Variants in FSTL4 observed in about 807,000 individuals in gnomAD.
FSTL4 encodes the protein follistatin-related protein 4.
FSTL4 carries 28 observed loss-of-function variants against 78.2 expected under a neutral mutation model. The observed-to-expected ratio is 0.36, with a 90% confidence interval of 0.27 to 0.49. FSTL4 has a LOEUF of 0.49. Among genes scored for constraint, FSTL4 ranks in the 20% least tolerant of loss-of-function variants. FSTL4 has a pLI of 0.98. For missense variants in FSTL4, 922 were observed against 1,084.9 expected, an observed-to-expected ratio of 0.85 and a Z score of 2.11; for synonymous variants, 422 against 440.5, an observed-to-expected ratio of 0.96 and a Z score of 0.53.
chr5:133,670,738 T>C, the FSTL4 span, among the ~76,000 whole-genome samples: 1 of 152,240 alleles, frequency 6.6e-6, no homozygotes, highest in Non-Finnish European at 1.5e-5. Flanking sequence ...GTAGATTTTA[T>C]AAGATCCTGA....
At chr5:133,287,936 T>A (rs1753174826) in intron 6 of FSTL4, among the ~76,000 whole-genome samples, 1 of 152,092 alleles carries the variant, frequency 6.6e-6, no homozygotes, top group South Asian at 2.1e-4. Flanking sequence ...TTATCCCCAA[T>A]CTCCTGCCTC....
At chr5:133,382,826 A>G (rs1410482431) in intron 4 of FSTL4, among the ~76,000 whole-genome samples, 1 of 152,178 alleles carries the variant, frequency 6.6e-6, no homozygotes, top group Non-Finnish European at 1.5e-5. Context: ...GTGTAGGCAC[A>G]CTCAAGTCAG....
the FSTL4 span, among the ~76,000 whole-genome samples, chr5:133,756,753 C>A: frequency 6.6e-6 from 1 of 152,090 alleles, no homozygotes; most frequent in Non-Finnish European, 1.5e-5. Context: ...ATATCCGGAG[C>A]ATTTCTTCTA....
chr5:133,485,470 T>C (rs1015056747), intron 3 of FSTL4, among the ~76,000 whole-genome samples: 7 of 152,222 alleles, frequency 4.6e-5, no homozygotes, highest in Admixed American at 3.9e-4. Context: ...AAGTGAAAAG[T>C]AATTTAATTT....
At chr5:133,596,792 AG>A (rs1760745447) in intron 2 of FSTL4, among the ~76,000 whole-genome samples, 1 of 152,218 alleles carries the variant, frequency 6.6e-6, no homozygotes, top group Non-Finnish European at 1.5e-5. Context: ...CCTGTGATTG[AG>A]GGAAGACCTC....
the FSTL4 span, among the ~76,000 whole-genome samples, chr5:133,624,211 T>C: frequency 1.3e-5 from 2 of 151,954 alleles, no homozygotes; most frequent in South Asian, 4.1e-4. Context: ...TGTTCACCAA[T>C]GGAAGAACTG....
chr5:133,397,781 G>A (rs1561701887), intron 4 of FSTL4, among the ~76,000 whole-genome samples: 1 of 152,128 alleles, frequency 6.6e-6, no homozygotes, highest in Non-Finnish European at 1.5e-5. Flanking sequence ...TTGATTTCTG[G>A]GGACAGATAA....
intron 14 of FSTL4, chr5:133,209,701 CCA>C (rs1383215720): frequency 6.5e-6 from 1 of 152,802 alleles, no homozygotes; most frequent in African/African-American, 2.4e-5. Context: ...GGCTCCAGAG[CCA>C]CACTGTCTAG....
chr5:133,251,549 C>T (rs547771633), intron 6 of FSTL4, among the ~76,000 whole-genome samples: 1 of 152,268 alleles, frequency 6.6e-6, no homozygotes, highest in South Asian at 2.1e-4. Context: ...ATGAGACACA[C>T]CTGCTGCCTA....
intron 6 of FSTL4, among the ~76,000 whole-genome samples, chr5:133,257,389 C>T (rs1752407331): frequency 6.6e-6 from 1 of 152,208 alleles, no homozygotes; most frequent in African/African-American, 2.4e-5. Context: ...GCTATCGAGA[C>T]ATCCTAGTCT....
At chr5:133,441,445 T>C (rs763080908) in intron 3 of FSTL4, among the ~76,000 whole-genome samples, 1 of 152,092 alleles carries the variant, frequency 6.6e-6, no homozygotes, top group Non-Finnish European at 1.5e-5. Context: ...CAGTATCTGC[T>C]ACAGTGGCCG....
chr5:133,675,895 G>C, the FSTL4 span, among the ~76,000 whole-genome samples: 1 of 152,116 alleles, frequency 6.6e-6, no homozygotes, highest in African/African-American at 2.4e-5. Flanking sequence ...CTTGGTCTCC[G>C]GGCCTGGCAA....
At chr5:133,362,078 C>T (rs79028518) in intron 4 of FSTL4, among the ~76,000 whole-genome samples, 2,180 of 152,276 alleles carry the variant, frequency 0.014, 60 homozygotes, top group African/African-American at 0.05. Context: ...AGAACTTTAT[C>T]AACAGTTGTT....
chr5:133,823,621 C>T, the FSTL4 span, among the ~76,000 whole-genome samples: 1 of 152,198 alleles, frequency 6.6e-6, no homozygotes, highest in African/African-American at 2.4e-5. Context: ...TCTCCTTCCC[C>T]ACTCCTCCAC....
the FSTL4 span, among the ~76,000 whole-genome samples, chr5:133,631,874 C>A: frequency 6.6e-6 from 1 of 152,122 alleles, no homozygotes; most frequent in African/African-American, 2.4e-5. Flanking sequence ...TGGAAACAAT[C>A]ATTCTCAGCA....
chr5:133,617,883 G>C, the FSTL4 span, among the ~76,000 whole-genome samples: 1 of 152,130 alleles, frequency 6.6e-6, no homozygotes. Flanking sequence ...AGGGCATTTA[G>C]GCAGAAGGCC....
chr5:133,831,143 C>T, the FSTL4 span, among the ~76,000 whole-genome samples: 501 of 152,270 alleles, frequency 3.3e-3, 2 homozygotes, highest in Non-Finnish European at 5.1e-3. Context: ...CTGTCCACCA[C>T]AAGGTACATG....
intron 11 of FSTL4, among the ~76,000 whole-genome samples, chr5:133,221,895 T>G (rs1051212890): frequency 1.2e-5 from 1 of 81,760 alleles, no homozygotes; most frequent in Non-Finnish European, 2.2e-5. Context: ...TTTCTAGTTT[T>G]TTTTTTTTTT....
At chr5:133,644,999 T>C in the FSTL4 span, among the ~76,000 whole-genome samples, 2 of 152,132 alleles carry the variant, frequency 1.3e-5, no homozygotes, top group Non-Finnish European at 2.9e-5. Context: ...TGAATGTTAT[T>C]TCCTCCCCTG....
Sources: allele counts gnomAD v4.1 joint callset (sites outside exome capture counted in the v4.1 genomes callset), GRCh38; gene constraint gnomAD v4.1.1; transcripts MANE v1.5; gene names NCBI Gene and HGNC (gene_info 2026-07-23, HGNC 2026-07-21).